The following SGCD variants were observed in gnomAD, a reference collection of about 807,000 sequenced individuals.
SGCD encodes delta-sarcoglycan.
Under a neutral mutation model 36.6 loss-of-function variants are expected in SGCD, and 18 were observed. That is an observed-to-expected ratio of 0.49 (90% CI 0.34 to 0.73). SGCD has a LOEUF of 0.73. SGCD is among the 30% of genes least tolerant of loss of function. The probability of loss-of-function intolerance (pLI) is 0.01; values close to 1 mark genes in which losing one functional copy is unlikely to be tolerated. For missense variants in SGCD, 387 were observed against 346.7 expected (o/e 1.12, Z -0.92); for synonymous variants, 133 against 130.6 (o/e 1.02, Z -0.12).
intron 3 of SGCD, among the ~76,000 whole-genome samples, chr5:156,464,415 T>G (rs1426923370): frequency 6.6e-6 from 1 of 151,846 alleles, no homozygotes; most frequent in Non-Finnish European, 1.5e-5. Flanking sequence ...AGAGACAGGG[T>G]TTCACCATGT....
At chr5:155,979,360 G>A (rs1758181605) in intron 1 of SGCD, among the ~76,000 whole-genome samples, 1 of 152,196 alleles carries the variant, frequency 6.6e-6, no homozygotes, top group Non-Finnish European at 1.5e-5. Context: ...AAATGCCTAC[G>A]ATATAAGGTG....
At chr5:155,947,266 G>T (rs1377826635) in intron 1 of SGCD, among the ~76,000 whole-genome samples, 1 of 149,424 alleles carries the variant, frequency 6.7e-6, no homozygotes, top group Non-Finnish European at 1.5e-5. Context: ...CGCTCACATT[G>T]TTAGCTTGGT....
Position 156,440,185 on chromosome 5 carries a change from A to G in SGCD, c.193-68416A>G, listed in dbSNP as rs182176322. Among the ~76,000 whole-genome samples, 20 of 152,228 alleles carry G rather than the reference A, an allele frequency of 1.3e-4. No homozygotes were observed. The East Asian group carries it at 2.7e-3, about 21-fold the overall frequency. ...AACCTACCAATCTACATCTGTCTCTATGAATTTACCTATTTCAGATATCAA... is the reference window on the plus strand; with the variant it reads ...AACCTACCAATCTACATCTGTCTCTGTGAATTTACCTATTTCAGATATCAA... On this transcript the variant is annotated intron_variant, in intron 3 of 8. Transcript: ENST00000337851.
intron 3 of SGCD, among the ~76,000 whole-genome samples, chr5:156,389,822 G>A (rs1771470217): frequency 6.6e-6 from 1 of 152,098 alleles, no homozygotes; most frequent in Admixed American, 6.5e-5. Flanking sequence ...AAATTTCTGT[G>A]CCTCAGTTTC....
chr5:156,404,639 A>G (rs1160871366), intron 3 of SGCD, among the ~76,000 whole-genome samples: 1 of 152,190 alleles, frequency 6.6e-6, no homozygotes. Flanking sequence ...AAAACACTTT[A>G]TATGTATACC....
chr5:156,336,788 G>A (rs1561628149), intron 2 of SGCD, among the ~76,000 whole-genome samples: 1 of 152,154 alleles, frequency 6.6e-6, no homozygotes, highest in East Asian at 1.9e-4. Context: ...TTAACTGCAT[G>A]TTCTTTGATT....
chr5:156,741,888 T>C (rs1373143601), intron 7 of SGCD, among the ~76,000 whole-genome samples: 1 of 152,054 alleles, frequency 6.6e-6, no homozygotes, highest in Non-Finnish European at 1.5e-5. Flanking sequence ...TTTTTTTTCT[T>C]TTTTTGAGAC....
chr5:156,426,713 T>G (rs1333450467), intron 3 of SGCD, among the ~76,000 whole-genome samples: 5 of 152,164 alleles, frequency 3.3e-5, no homozygotes, highest in African/African-American at 9.6e-5. Flanking sequence ...TTTAAGTATT[T>G]GATCCATCTT....
intron 3 of SGCD, among the ~76,000 whole-genome samples, chr5:156,205,991 T>TA (rs1561564678): frequency 5.6e-4 from 76 of 136,150 alleles, no homozygotes; most frequent in African/African-American, 1.9e-3. Context: ...ATATATATAT[T>TA]TTATATATAT....
chr5:156,491,708 A>T (rs1755949554), intron 3 of SGCD, among the ~76,000 whole-genome samples: 1 of 152,158 alleles, frequency 6.6e-6, no homozygotes, highest in African/African-American at 2.4e-5. Context: ...ACCCTACTTT[A>T]ATTTCTAATT....
At chr5:156,157,636 C>T (rs547682376) in intron 3 of SGCD, among the ~76,000 whole-genome samples, 1 of 151,634 alleles carries the variant, frequency 6.6e-6, no homozygotes, top group South Asian at 2.1e-4. Flanking sequence ...AGTATATAAA[C>T]AAGAGGTTTT....
At chr5:155,777,958 T>C in the SGCD span, among the ~76,000 whole-genome samples, 2 of 152,176 alleles carry the variant, frequency 1.3e-5, no homozygotes, top group Admixed American at 1.3e-4. Context: ...GTTTGTAATG[T>C]GGATTTCTTT....
chr5:155,843,627 ATCT>A, the SGCD span, among the ~76,000 whole-genome samples: 5 of 152,212 alleles, frequency 3.3e-5, no homozygotes, highest in Admixed American at 6.5e-5. Context: ...GAACCATATG[ATCT>A]TCTCATTCTG....
intron 3 of SGCD, among the ~76,000 whole-genome samples, chr5:156,419,282 T>A (rs1773193858): frequency 6.6e-6 from 1 of 152,156 alleles, no homozygotes; most frequent in Admixed American, 6.5e-5. Context: ...AGCAAAAGAA[T>A]GGGAGTGTTT....
chr5:156,720,332 G>A (rs1482128845), intron 7 of SGCD, among the ~76,000 whole-genome samples: 1 of 152,206 alleles, frequency 6.6e-6, no homozygotes, highest in Non-Finnish European at 1.5e-5. Context: ...GGAGGATTCT[G>A]TTATAAATGG....
intron 3 of SGCD, among the ~76,000 whole-genome samples, chr5:156,128,091 A>G (rs1178093021): frequency 1.3e-5 from 2 of 152,150 alleles, no homozygotes; most frequent in East Asian, 1.9e-4. Flanking sequence ...TAATACCTAT[A>G]TTTAACATAC....
At chr5:156,473,783 G>A (rs1755068436) in intron 3 of SGCD, among the ~76,000 whole-genome samples, 1 of 152,160 alleles carries the variant, frequency 6.6e-6, no homozygotes, top group African/African-American at 2.4e-5. Context: ...TCTGTTTTAA[G>A]GAGCAATCGA....
intron 6 of SGCD, among the ~76,000 whole-genome samples, chr5:156,636,866 TTTCC>T (rs1762842102): frequency 6.6e-6 from 1 of 152,196 alleles, no homozygotes; most frequent in African/African-American, 2.4e-5. Flanking sequence ...TTTACTTCTC[TTTCC>T]TTCATCTTGG....
intron 3 of SGCD, among the ~76,000 whole-genome samples, chr5:156,219,560 C>G (rs1209375007): frequency 6.6e-6 from 1 of 152,234 alleles, no homozygotes; most frequent in East Asian, 1.9e-4. Flanking sequence ...TTAAGGATCA[C>G]CAAGTGTGTT....
Sources: allele counts gnomAD v4.1 joint callset (sites outside exome capture counted in the v4.1 genomes callset), GRCh38; gene constraint gnomAD v4.1.1; transcripts MANE v1.5; gene names NCBI Gene and HGNC (gene_info 2026-07-23, HGNC 2026-07-21).